Variants in MSRA observed in about 807,000 individuals in gnomAD.
MSRA encodes mitochondrial peptide methionine sulfoxide reductase.
Under a neutral mutation model 31.3 loss-of-function variants are expected in MSRA, and 54 were observed. That is an observed-to-expected ratio of 1.73 (90% confidence interval 1.39 to 2.17). The LOEUF is 2.17. Ranked by LOEUF, MSRA falls within the 30% of genes most tolerant of loss-of-function variation. The probability of loss-of-function intolerance (pLI) is 0.00; values close to 1 mark genes in which losing one functional copy is unlikely to be tolerated. For synonymous variants in MSRA, 169 were observed against 116.5 expected (o/e 1.45, Z -2.90); for missense variants, 507 against 300.9 (o/e 1.69, Z -5.07).
chr8:10,077,382 T>G (rs965627871), intron 1 of MSRA, among the ~76,000 whole-genome samples: 1 of 152,064 alleles, frequency 6.6e-6, no homozygotes, highest in African/African-American at 2.4e-5. Flanking sequence ...AATGTGTGTA[T>G]TCTAAAGGGG....
At chr8:10,424,402 C>T (rs1227763023) in intron 5 of MSRA, among the ~76,000 whole-genome samples, 2 of 129,220 alleles carry the variant, frequency 1.5e-5, no homozygotes, top group Non-Finnish European at 3.3e-5. Flanking sequence ...GAGAGAAGGA[C>T]CCGGAATGGA....
intron 5 of MSRA, among the ~76,000 whole-genome samples, chr8:10,394,727 A>C (rs1029123874): frequency 1.3e-5 from 2 of 152,252 alleles, no homozygotes; most frequent in East Asian, 3.9e-4. Flanking sequence ...CTGCCCCAGC[A>C]GATTGTATCA....
chr8:10,061,854 A>AC (rs144268632), intron 1 of MSRA, among the ~76,000 whole-genome samples: 6,574 of 152,122 alleles, frequency 0.043, 215 homozygotes, highest in Middle Eastern at 0.082. Context: ...AGGGTGGGGA[A>AC]CCCCTCATCT....
intron 5 of MSRA, among the ~76,000 whole-genome samples, chr8:10,419,561 C>T (rs570126496): frequency 3.9e-5 from 6 of 152,222 alleles, no homozygotes; most frequent in Non-Finnish European, 8.8e-5. Flanking sequence ...CAATCCGTCT[C>T]TGCCCCATTA....
intron 5 of MSRA, among the ~76,000 whole-genome samples, chr8:10,420,907 G>T (rs1264644309): frequency 6.8e-6 from 1 of 147,542 alleles, no homozygotes; most frequent in Admixed American, 6.7e-5. Context: ...AAAAAAAGGA[G>T]AATCACTTGA....
chr8:10,383,892 T>C (rs1806224812), intron 5 of MSRA, among the ~76,000 whole-genome samples: 1 of 152,058 alleles, frequency 6.6e-6, no homozygotes, highest in Admixed American at 6.5e-5. Context: ...CGTCAAAGGA[T>C]ATTAGGGACG....
At chr8:10,288,128 A>G (rs1420866775) in intron 3 of MSRA, among the ~76,000 whole-genome samples, 1 of 152,198 alleles carries the variant, frequency 6.6e-6, no homozygotes, top group African/African-American at 2.4e-5. Flanking sequence ...TTTGGTCACC[A>G]TTTTGATTGT....
chr8:10,335,778 G>A (rs549277309), intron 5 of MSRA, among the ~76,000 whole-genome samples: 60 of 152,330 alleles, frequency 3.9e-4, no homozygotes, highest in Admixed American at 2.0e-3. Context: ...CCCCAACATA[G>A]GACCAGTCAG....
chr8:10,165,511 A>T (rs1043316603), intron 1 of MSRA, among the ~76,000 whole-genome samples: 2 of 152,214 alleles, frequency 1.3e-5, no homozygotes, highest in South Asian at 2.1e-4. Context: ...CAAGGGGGCT[A>T]AGACCAGGCT....
At chr8:10,094,345 C>G (rs1008080933) in intron 1 of MSRA, among the ~76,000 whole-genome samples, 1 of 152,190 alleles carries the variant, frequency 6.6e-6, no homozygotes, top group Non-Finnish European at 1.5e-5. Context: ...AGGCTGTATG[C>G]AAGACTTTGA....
chr8:10,194,726 G>C (rs1807827269), intron 1 of MSRA, among the ~76,000 whole-genome samples: 1 of 152,114 alleles, frequency 6.6e-6, no homozygotes, highest in African/African-American at 2.4e-5. Context: ...GATCATCTTT[G>C]ACATTTGTCC....
intron 1 of MSRA, 118 bp downstream of exon 1, chr8:10,054,776 G>T: frequency 8.3e-7 from 1 of 1,198,784 alleles, no homozygotes; most frequent in Non-Finnish European, 1.1e-6. Context: ...GCGGGTCGCG[G>T]GGTGGGGGTC....
At chr8:10,091,955 A>G (rs973360097) in intron 1 of MSRA, among the ~76,000 whole-genome samples, 2 of 152,048 alleles carry the variant, frequency 1.3e-5, no homozygotes, top group African/African-American at 4.8e-5. Flanking sequence ...GTTTTCCATA[A>G]TGGCTGTATT....
intron 2 of MSRA, among the ~76,000 whole-genome samples, chr8:10,240,200 A>G (rs867686035): frequency 1.6e-4 from 24 of 152,132 alleles, no homozygotes; most frequent in Admixed American, 3.9e-4. Flanking sequence ...GCCCGGTGTA[A>G]TCCTTTGCCA....
At chr8:10,381,730 A>C (rs183018218) in intron 5 of MSRA, among the ~76,000 whole-genome samples, 1 of 152,218 alleles carries the variant, frequency 6.6e-6, no homozygotes, top group Non-Finnish European at 1.5e-5. Flanking sequence ...TGCTGCCCCA[A>C]TGACAGTGCT....
At chr8:10,279,973 T>C (rs2129106429) in intron 3 of MSRA, among the ~76,000 whole-genome samples, 1 of 152,380 alleles carries the variant, frequency 6.6e-6, no homozygotes, top group South Asian at 2.1e-4. Context: ...ATTTTCCTTT[T>C]GGAAAACATG....
chr8:10,148,563 C>G (rs1307364668), intron 1 of MSRA, among the ~76,000 whole-genome samples: 2 of 151,696 alleles, frequency 1.3e-5, no homozygotes, highest in Non-Finnish European at 2.9e-5. Flanking sequence ...AGGAGAATCT[C>G]TTGAACCTGG....
chr8:10,057,019 C>T (rs768025994), intron 1 of MSRA, among the ~76,000 whole-genome samples: 4 of 152,146 alleles, frequency 2.6e-5, no homozygotes, highest in Non-Finnish European at 5.9e-5. Context: ...TTTTTATATT[C>T]TTAAGGACAA....
chr8:10,160,211 G>A (rs1302991351), intron 1 of MSRA, among the ~76,000 whole-genome samples: 1 of 152,124 alleles, frequency 6.6e-6, no homozygotes, highest in Non-Finnish European at 1.5e-5. Context: ...AATATAGATA[G>A]GATGGGGCCA....
Sources: gnomAD v4.1 joint callset for allele counts (sites outside exome capture counted in the v4.1 genomes callset) on GRCh38, gnomAD v4.1.1 for gene constraint, MANE v1.5 for transcripts, NCBI Gene and HGNC (gene_info 2026-07-23, HGNC 2026-07-21) for gene names.